Variants in GRIN2B observed in about 807,000 individuals in gnomAD.
GRIN2B encodes the protein glutamate ionotropic receptor NMDA type subunit 2B.
Under a neutral mutation model 114.5 loss-of-function variants are expected in GRIN2B, and 5 were observed. The observed-to-expected ratio is 0.04, with a 90% CI of 0.02 to 0.09. The LOEUF is 0.09. GRIN2B is among the 10% of genes least tolerant of loss of function. GRIN2B has a pLI of 1.00. For missense variants in GRIN2B, 1,108 were observed against 1,943.5 expected, an observed-to-expected ratio of 0.57 and a Z score of 8.08; for synonymous variants, 787 against 745.1, an observed-to-expected ratio of 1.06 and a Z score of -0.92.
chr12:13,668,315 C>A (rs1015685204), intron 5 of GRIN2B, among the ~76,000 whole-genome samples: 1 of 152,184 alleles, frequency 6.6e-6, no homozygotes, highest in Non-Finnish European at 1.5e-5. Flanking sequence ...GGCAACCAGC[C>A]TTTCTGAAAT....
chr12:13,580,619 C>T (rs1228757510), intron 10 of GRIN2B, among the ~76,000 whole-genome samples: 1 of 152,206 alleles, frequency 6.6e-6, no homozygotes, highest in Admixed American at 6.5e-5. Flanking sequence ...GGTGGCAGCA[C>T]ATCAGAATTC....
intron 3 of GRIN2B, among the ~76,000 whole-genome samples, chr12:13,760,477 A>G (rs1397281201): frequency 6.6e-6 from 1 of 152,238 alleles, no homozygotes; most frequent in Non-Finnish European, 1.5e-5. Context: ...ATCATAGGGA[A>G]TATAATCCTG....
intron 5 of GRIN2B, among the ~76,000 whole-genome samples, chr12:13,661,375 C>A (rs1466986849): frequency 2.0e-5 from 3 of 152,174 alleles, no homozygotes. Context: ...ACAAGTAGTG[C>A]CTTTTGCCTT....
intron 2 of GRIN2B, among the ~76,000 whole-genome samples, chr12:13,923,257 T>C (rs1431215107): frequency 1.3e-5 from 2 of 152,152 alleles, no homozygotes; most frequent in African/African-American, 2.4e-5. Context: ...CCACAATAGA[T>C]AAAGCAGTCT....
At chr12:13,743,482 G>A (rs1321591498) in intron 4 of GRIN2B, among the ~76,000 whole-genome samples, 1 of 152,090 alleles carries the variant, frequency 6.6e-6, no homozygotes, top group Non-Finnish European at 1.5e-5. Flanking sequence ...GTCCTCTATA[G>A]TCAATAATGA....
At chr12:13,947,565 C>T (rs1867383892) in intron 2 of GRIN2B, among the ~76,000 whole-genome samples, 1 of 152,188 alleles carries the variant, frequency 6.6e-6, no homozygotes, top group African/African-American at 2.4e-5. Flanking sequence ...CATCCAGTAG[C>T]AATCCTATCC....
rs1948726600 is a variant in GRIN2B at position 13,573,053 on chromosome 12, G to A, written c.2011-1089C>T. On this transcript the variant is annotated intron_variant, in intron 10 of 13. Transcript: ENST00000609686. ...GCCACTTACCACTGTGTAACCTTGG[G>A]CAAGTAGCATAAACGCTCTGTGCAT... is the stretch of plus-strand genomic sequence containing the variant. Among the ~76,000 whole-genome samples the A allele has an allele frequency of 5.5e-5, 7 of 126,884 alleles. 1 individual carries two copies. The allele number at this position is 126,884 out of a possible 152,430, so 83.2% of individuals were successfully genotyped here. A position where few individuals can be genotyped will look rare whatever the true frequency, so the allele number is the denominator to read the frequency against.
intron 3 of GRIN2B, among the ~76,000 whole-genome samples, chr12:13,861,981 C>T (rs182714246): frequency 2.0e-5 from 3 of 152,302 alleles, no homozygotes; most frequent in South Asian, 2.1e-4. Flanking sequence ...ATATTAGTAT[C>T]CCCATTATAC....
chr12:13,779,014 C>A (rs892345030), intron 3 of GRIN2B, among the ~76,000 whole-genome samples: 1 of 152,132 alleles, frequency 6.6e-6, no homozygotes, highest in Non-Finnish European at 1.5e-5. Flanking sequence ...TAACGCGACC[C>A]AACCCCTGCT....
rs200166566 is a variant in GRIN2B at position 13,563,692 on chromosome 12, C to G, written c.3546G>C (p.Gly1182=). ...PCTNRSHIKH[G]TGDKHGVVSG... ...TGACCACGCCGTGTTTGTCGCCCGT[C>G]CCGTGCTTGATGTGAGACCTGTTGG... The change falls in exon 14 of 14, where the codon GGG becomes GGC. Residue 1182 remains glycine, a synonymous_variant. Coordinates refer to ENST00000609686, the MANE Select transcript of GRIN2B (RefSeq NM_000834.5). 32 of 1,613,480 alleles carry G rather than the reference C, an allele frequency of 2.0e-5. No homozygotes were observed. The highest frequency in any genetic ancestry group is 2.5e-5 in the Non-Finnish European group (30 of 1,179,990).
intron 3 of GRIN2B, among the ~76,000 whole-genome samples, chr12:13,795,394 C>T (rs1360860532): frequency 2.0e-5 from 3 of 150,810 alleles, no homozygotes; most frequent in African/African-American, 7.3e-5. Context: ...AAACGTTTTA[C>T]AATTGGAAGA....
intron 4 of GRIN2B, among the ~76,000 whole-genome samples, chr12:13,751,863 A>C (rs1863489478): frequency 1.3e-5 from 2 of 152,284 alleles, no homozygotes; most frequent in African/African-American, 4.8e-5. Flanking sequence ...AAGTGCCCAT[A>C]TTTAAGGGAT....
chr12:13,693,864 T>C (rs553826825), intron 4 of GRIN2B, among the ~76,000 whole-genome samples: 13 of 152,268 alleles, frequency 8.5e-5, no homozygotes, highest in African/African-American at 2.9e-4. Context: ...AGGGCACTTA[T>C]GAGACCAGAA....
chr12:13,741,596 C>G (rs1410824781), intron 4 of GRIN2B, among the ~76,000 whole-genome samples: 1 of 152,106 alleles, frequency 6.6e-6, no homozygotes, highest in Non-Finnish European at 1.5e-5. Context: ...TGCTCTTTCA[C>G]CCAGGCTGGA....
At chr12:13,735,844 G>C (rs578217191) in intron 4 of GRIN2B, among the ~76,000 whole-genome samples, 1 of 152,128 alleles carries the variant, frequency 6.6e-6, no homozygotes, top group South Asian at 2.1e-4. Context: ...TGGGACAACC[G>C]AGTGTGGAGA....
At chr12:13,659,505 T>G (rs1434720343) in intron 5 of GRIN2B, among the ~76,000 whole-genome samples, 1 of 152,180 alleles carries the variant, frequency 6.6e-6, no homozygotes, top group Non-Finnish European at 1.5e-5. Context: ...CACAAACATT[T>G]CATGGCTTCC....
intron 9 of GRIN2B, among the ~76,000 whole-genome samples, chr12:13,611,220 G>A (rs1223057797): frequency 2.0e-5 from 3 of 152,036 alleles, no homozygotes; most frequent in Admixed American, 6.6e-5. Context: ...TTATACTCTC[G>A]GGCAAGGGGG....
At chr12:13,970,736 C>T (rs1862898114) in intron 2 of GRIN2B, among the ~76,000 whole-genome samples, 1 of 148,376 alleles carries the variant, frequency 6.7e-6, no homozygotes, top group Non-Finnish European at 1.5e-5. Context: ...TCCAGTATTT[C>T]TTTCTTCAAA....
intron 5 of GRIN2B, among the ~76,000 whole-genome samples, chr12:13,657,333 C>A (rs1949875777): frequency 6.6e-6 from 1 of 152,134 alleles, no homozygotes; most frequent in African/African-American, 2.4e-5. Context: ...TGCTAGAGCT[C>A]CCCTTCATGA....
Sources: gnomAD v4.1 joint callset for allele counts (sites outside exome capture counted in the v4.1 genomes callset) on GRCh38, gnomAD v4.1.1 for gene constraint, MANE v1.5 for transcripts, NCBI Gene and HGNC (gene_info 2026-07-23, HGNC 2026-07-21) for gene names.